The following FGD6 variants were observed in gnomAD, a reference collection of about 807,000 sequenced individuals.
FGD6 encodes the protein FYVE, RhoGEF and PH domain containing 6.
FGD6 carries 90 observed loss-of-function variants against 149.4 expected under a neutral mutation model. The ratio of observed to expected loss-of-function variants is 0.60; its 90% confidence interval spans 0.51 to 0.72. The LOEUF is 0.72. Among genes scored for constraint, FGD6 ranks in the 30% least tolerant of loss-of-function variants. The pLI is 0.00. For synonymous variants in FGD6, 527 were observed against 584.0 expected (o/e 0.90, Z 1.41); for missense variants, 1,437 against 1,684.8 (o/e 0.85, Z 2.57).
chr12:95,139,103 G>T (rs1204605943), intron 6 of FGD6, among the ~76,000 whole-genome samples: 1 of 152,116 alleles, frequency 6.6e-6, no homozygotes, highest in Admixed American at 6.6e-5. Flanking sequence ...TAACACCAAA[G>T]AATATGTATT....
intron 2 of FGD6, among the ~76,000 whole-genome samples, chr12:95,174,507 C>T (rs1326308692): frequency 1.3e-5 from 2 of 152,164 alleles, no homozygotes; most frequent in East Asian, 3.9e-4. Context: ...GTAACAAAAT[C>T]CCAGTCTATG....
chr12:95,151,911 C>T (rs1047548408), intron 5 of FGD6, among the ~76,000 whole-genome samples: 2 of 152,078 alleles, frequency 1.3e-5, no homozygotes, highest in African/African-American at 4.8e-5. Context: ...ACCCTAAAAG[C>T]ACTTTAACTG....
rs549976845 is a variant in FGD6, at chr12:95,183,651, C to T, written c.2442-10907G>A. Among the ~76,000 whole-genome samples the T allele has an allele frequency of 1.4e-4, 21 of 152,260 alleles. No homozygotes were observed. The South Asian group carries it at 3.7e-3, about 27-fold the overall frequency. ...CCCAGGAGTTTGAGATCAGCCTAGG[C>T]AACACATGGAGATCCCATCTCTACA... On this transcript the variant is annotated intron_variant, in intron 2 of 20. Transcript: ENST00000343958.
intron 3 of FGD6, among the ~76,000 whole-genome samples, chr12:95,153,333 T>C (rs1166111072): frequency 1.3e-5 from 2 of 152,198 alleles, no homozygotes; most frequent in African/African-American, 4.8e-5. Context: ...TACAGATAGA[T>C]ACCAGAAGAA....
intron 5 of FGD6, among the ~76,000 whole-genome samples, chr12:95,149,314 A>G (rs2136270958): frequency 9.9e-6 from 1 of 100,810 alleles, no homozygotes; most frequent in Admixed American, 1.6e-4. Context: ...ATTATATTAT[A>G]TAGCATATAT....
chr12:95,118,245 G>C (rs1322357273), intron 8 of FGD6, among the ~76,000 whole-genome samples: 1 of 151,852 alleles, frequency 6.6e-6, no homozygotes, highest in African/African-American at 2.4e-5. Flanking sequence ...CAGCTACTCA[G>C]GAGACTGAGG....
Position 95,181,589 on chromosome 12 carries a change from G to A in FGD6, c.2442-8845C>T, listed in dbSNP as rs546612684. Among the ~76,000 whole-genome samples the A allele has an allele frequency of 4.6e-5, 7 of 152,266 alleles. No homozygotes were observed. The South Asian group carries it at 1.0e-3, about 23-fold the overall frequency. ...TTCTTAGAATTGGGATTCACATCAC[G>A]AAATGTGGACAACTTTCTTGTTAAT... On this transcript the variant is annotated intron_variant, in intron 2 of 20. Coordinates refer to ENST00000343958, the MANE Select transcript of FGD6 (RefSeq NM_018351.4).
At position 95,137,959 on chromosome 12, in the gene FGD6, T is replaced by A. The variant is rs867696717; in HGVS notation, c.2838-281A>T. Among the ~76,000 whole-genome samples the A allele has an allele frequency of 7.2e-5, 11 of 152,140 alleles. No individual in the cohort carries two copies. In the South Asian group the frequency reaches 1.9e-3, roughly 26 times the overall value. ...TACCATGGCTGGGTGCAGTGGCTCA[T>A]ACCTGTAATCCCAGCACTTTGGGAG... On this transcript the variant is annotated intron_variant, in intron 6 of 20. Transcript: ENST00000343958.
Position 95,210,884 on chromosome 12 carries a change from CT to C in FGD6, c.399del (p.Glu134SerfsTer5). 1 of 1,612,894 alleles carries C rather than the reference CT, an allele frequency of 6.2e-7. No homozygotes were observed. Among genetic ancestry groups the C allele is most frequent in the Non-Finnish European group, 8.5e-7 (1 of 1,179,746 alleles). On this transcript the variant is annotated frameshift_variant, in exon 2 of 21. Coordinates refer to ENST00000343958, the MANE Select transcript of FGD6 (RefSeq NM_018351.4). LOFTEE classifies it high-confidence loss of function. ...RENLCVKQLVLEPLEMNENLE... is the reference protein window; with the variant it reads ...RENLCVKQLVXEPLEMNENLE... ...AAATTTTCATTCATTTCCAGGGGCT[CT>C]AAAACAAGCTGCTTTACACACAAAT...
intron 14 of FGD6, among the ~76,000 whole-genome samples, chr12:95,100,106 G>T (rs1592830584): frequency 7.5e-6 from 1 of 133,796 alleles, no homozygotes. Context: ...CTTTCTATCT[G>T]CTCAGCCTAC....
intron 3 of FGD6, among the ~76,000 whole-genome samples, chr12:95,164,844 ATTAAG>A (rs895969061): frequency 5.3e-5 from 8 of 152,328 alleles, no homozygotes; most frequent in African/African-American, 1.9e-4. Context: ...TCTCTTTATC[ATTAAG>A]TTATTTCAAA....
At position 95,165,336 on chromosome 12, in the gene FGD6, C is replaced by CT. The variant is rs764144447; in HGVS notation, c.2586+7263dup. ...AGATGTGTATCAATTTTCTTTTTTT[C>CT]TTTTTTTTTTTTTTGAGACAGTGTT... is the stretch of plus-strand genomic sequence containing the variant. On this transcript the variant is annotated intron_variant, in intron 3 of 20. Transcript: ENST00000343958. Among the ~76,000 whole-genome samples the CT allele has an allele frequency of 2.1e-3, 293 of 141,806 alleles. 1 individual carries two copies. Among genetic ancestry groups the CT allele is most frequent in the East Asian group, 9.8e-3 (48 of 4,890 alleles). 93.0% of individuals were successfully genotyped at this position (141,806 alleles called of 152,430 possible).
rs33962935 is a variant in FGD6, at chr12:95,100,055, TCCC to T, written c.3497+4949_3497+4951del. 1.5e-3 allele frequency among the ~76,000 whole-genome samples: 200 copies of T among 129,268 alleles called. 1 individual carries two copies. Among genetic ancestry groups the T allele is most frequent in the East Asian group, 5.8e-3 (24 of 4,130 alleles). 84.8% of individuals were successfully genotyped at this position (129,268 alleles called of 152,430 possible). On this transcript the variant is annotated intron_variant, in intron 14 of 20. Transcript: ENST00000343958. ...TGCTCCTCAGAGATAACTTTTCTGA[TCCC>T]CCCCCCCCCCACCCCATATAAGTTC...
chr12:95,180,774 C>A (rs1881260244), intron 2 of FGD6, among the ~76,000 whole-genome samples: 1 of 151,898 alleles, frequency 6.6e-6, no homozygotes, highest in African/African-American at 2.4e-5. Flanking sequence ...GACCACCCCC[C>A]CGACACACAC....
At chr12:95,214,866 T>C (rs890559139) in intron 1 of FGD6, among the ~76,000 whole-genome samples, 22 of 148,684 alleles carry the variant, frequency 1.5e-4, no homozygotes, top group African/African-American at 3.0e-4. Flanking sequence ...TTTTTCTTTT[T>C]TTTTTTTTTT....
intron 8 of FGD6, among the ~76,000 whole-genome samples, chr12:95,129,364 C>CA (rs1434763859): frequency 5.4e-5 from 8 of 149,258 alleles, no homozygotes; most frequent in Non-Finnish European, 8.9e-5. Flanking sequence ...TCCATCCATC[C>CA]AACATTCATT....
chr12:95,215,480 G>T (rs576824437), intron 1 of FGD6, among the ~76,000 whole-genome samples: 2 of 152,258 alleles, frequency 1.3e-5, no homozygotes, highest in Admixed American at 1.3e-4. Flanking sequence ...TAAAACCCCA[G>T]TTCTCTTCCA....
chr12:95,099,694 C>T (rs987994381), intron 14 of FGD6, among the ~76,000 whole-genome samples: 2 of 152,152 alleles, frequency 1.3e-5, no homozygotes, highest in African/African-American at 4.8e-5. Context: ...CACTACCTGG[C>T]TGCCCAACTT....
At chr12:95,100,816 A>G in intron 14 of FGD6, 1 of 436,044 alleles carries the variant, frequency 2.3e-6, no homozygotes, top group Non-Finnish European at 4.5e-6. Context: ...CATTGATGGT[A>G]AGGATCAGGA....
Sources: gnomAD v4.1 joint callset for allele counts (sites outside exome capture counted in the v4.1 genomes callset) on GRCh38, gnomAD v4.1.1 for gene constraint, MANE v1.5 for transcripts, NCBI Gene and HGNC (gene_info 2026-07-23, HGNC 2026-07-21) for gene names.